The following TBC1D14 variants were observed in gnomAD, a reference collection of about 807,000 sequenced individuals.
The protein encoded by TBC1D14 is TBC1 domain family, member 14.
TBC1D14 carries 26 observed loss-of-function variants against 79.0 expected under a neutral mutation model. That is an observed-to-expected ratio of 0.33 (90% CI 0.24 to 0.46). The LOEUF is 0.46. Among genes scored for constraint, TBC1D14 ranks in the 20% least tolerant of loss-of-function variants. TBC1D14 has a pLI of 1.00. For missense variants in TBC1D14, 769 were observed against 887.6 expected, an observed-to-expected ratio of 0.87 and a Z score of 1.70; for synonymous variants, 394 against 349.9, an observed-to-expected ratio of 1.13 and a Z score of -1.40.
intron 13 of TBC1D14, among the ~76,000 whole-genome samples, chr4:7,027,104 G>A (rs1476877299): frequency 1.3e-5 from 2 of 151,918 alleles, no homozygotes. Flanking sequence ...CCAGCTACTC[G>A]GGAGGCTGAG....
At chr4:6,925,474 G>A (rs140025583) in intron 2 of TBC1D14, among the ~76,000 whole-genome samples, 1,567 of 152,190 alleles carry the variant, frequency 0.01, 38 homozygotes, top group African/African-American at 0.036. Flanking sequence ...GTCAGCTGGC[G>A]ACTCTGACTG....
chr4:7,007,630 G>A (rs980842059), intron 9 of TBC1D14: 36 of 1,286,344 alleles, frequency 2.8e-5, no homozygotes, highest in African/African-American at 6.1e-5. Context: ...TGTCTGGTGC[G>A]TGAGCCCAGC....
intron 2 of TBC1D14, among the ~76,000 whole-genome samples, chr4:6,953,257 T>C (rs1714238704): frequency 6.9e-6 from 1 of 145,690 alleles, no homozygotes; most frequent in Non-Finnish European, 1.5e-5. Flanking sequence ...ACTCCTGACC[T>C]CGTGTTCCAC....
intron 2 of TBC1D14, among the ~76,000 whole-genome samples, chr4:6,951,978 G>A (rs973765034): frequency 2.6e-5 from 4 of 152,140 alleles, no homozygotes; most frequent in African/African-American, 9.7e-5. Context: ...GCGATGAGGC[G>A]GCAGGGCTGG....
At chr4:6,934,008 T>C (rs1368019453) in intron 2 of TBC1D14, among the ~76,000 whole-genome samples, 1 of 151,812 alleles carries the variant, frequency 6.6e-6, no homozygotes, top group African/African-American at 2.4e-5. Flanking sequence ...GAAAATAGAG[T>C]TGCCAAGTTG....
intron 3 of TBC1D14, among the ~76,000 whole-genome samples, chr4:6,975,912 G>T (rs900350899): frequency 1.1e-4 from 16 of 152,100 alleles, no homozygotes; most frequent in African/African-American, 3.9e-4. Flanking sequence ...GGCCAATGTG[G>T]CGAAACCCCA....
Position 6,994,285 on chromosome 4 carries a change from C to A in TBC1D14, c.945C>A (p.Ile315=). ...DFEPLSTTAL[I]LEDRPANLPA... ...AACCACTTTCCACCACCGCACTCATCCTCGAGGACAGACCAGCGTGAGTTT... is the reference window on the plus strand; with the variant it reads ...AACCACTTTCCACCACCGCACTCATACTCGAGGACAGACCAGCGTGAGTTT... The change falls in exon 4 of 14, where the codon ATC becomes ATA. Residue 315 remains isoleucine, a synonymous_variant. Transcript: ENST00000409757. The A allele has an allele frequency of 6.2e-7, 1 of 1,614,120 alleles. No homozygotes were observed. Among genetic ancestry groups the A allele is most frequent in the South Asian group, 1.1e-5 (1 of 91,082 alleles).
chr4:6,943,710 A>G (rs1461136125), intron 2 of TBC1D14, among the ~76,000 whole-genome samples: 4 of 152,204 alleles, frequency 2.6e-5, no homozygotes, highest in Non-Finnish European at 4.4e-5. Context: ...AGACCACACT[A>G]GCCCACTCCC....
At chr4:7,020,481 A>AT (rs1721718220) in intron 12 of TBC1D14, among the ~76,000 whole-genome samples, 1 of 152,174 alleles carries the variant, frequency 6.6e-6, no homozygotes, top group East Asian at 1.9e-4. Flanking sequence ...GCGGAGTGCC[A>AT]TTCATGAGCC....
chr4:7,020,696 G>A (rs1261395956), intron 12 of TBC1D14, among the ~76,000 whole-genome samples: 1 of 152,094 alleles, frequency 6.6e-6, no homozygotes, highest in Non-Finnish European at 1.5e-5. Context: ...GTTTTTTCTT[G>A]TTTTGTTTTG....
chr4:6,992,225 G>T (rs905680439), intron 3 of TBC1D14, among the ~76,000 whole-genome samples: 4 of 152,250 alleles, frequency 2.6e-5, no homozygotes, highest in African/African-American at 9.6e-5. Context: ...CACAGCTGGT[G>T]GTTGGTGGAT....
chr4:6,924,658 G>A (rs1196241972), intron 2 of TBC1D14, among the ~76,000 whole-genome samples: 1 of 152,162 alleles, frequency 6.6e-6, no homozygotes, highest in African/African-American at 2.4e-5. Flanking sequence ...CATTCCCAAC[G>A]TGCTGGGCCT....
Position 7,014,440 on chromosome 4 carries a change from C to G in TBC1D14, c.1648-8C>G, listed in dbSNP as rs751294368. 1.3e-6 allele frequency: 2 copies of G among 1,585,048 alleles called. No individual in the cohort carries two copies. Among genetic ancestry groups the G allele is most frequent in the East Asian group, 4.5e-5 (2 of 44,724 alleles). On this transcript the variant is annotated splice_polypyrimidine_tract_variant and splice_region_variant and intron_variant, in intron 11 of 13. Coordinates refer to ENST00000409757, the MANE Select transcript of TBC1D14 (RefSeq NM_020773.3). ...AGTTTCTGAGTAAATTTCATATTATCTCCCTAGATGTTGACTTATTTTGCT... is the reference window on the plus strand; with the variant it reads ...AGTTTCTGAGTAAATTTCATATTATGTCCCTAGATGTTGACTTATTTTGCT...
Position 7,004,809 on chromosome 4 carries a change from T to G in TBC1D14, c.1271-35T>G, listed in dbSNP as rs1436044924. 1.9e-6 allele frequency: 3 copies of G among 1,606,312 alleles called. No individual in the cohort carries two copies. The African/African-American group carries it at 4.0e-5, about 21-fold the overall frequency. On this transcript the variant is annotated intron_variant, in intron 7 of 13. Coordinates refer to ENST00000409757, the MANE Select transcript of TBC1D14 (RefSeq NM_020773.3). ...TGGTGGTTTTGACGAAAAATACATG[T>G]GCACGTAATACTTACCCAGAGGCTT...
intron 2 of TBC1D14, among the ~76,000 whole-genome samples, chr4:6,960,901 G>C (rs913359359): frequency 5.3e-5 from 8 of 152,202 alleles, no homozygotes; most frequent in Non-Finnish European, 1.0e-4. Context: ...GCCAGAATCG[G>C]TGTCCAACGC....
At chr4:6,967,720 T>A (rs1351738894) in intron 3 of TBC1D14, among the ~76,000 whole-genome samples, 1 of 152,200 alleles carries the variant, frequency 6.6e-6, no homozygotes. Flanking sequence ...TTAATCAGTT[T>A]TAGTAATAGT....
At chr4:6,954,437 G>A (rs560069328) in intron 2 of TBC1D14, 64 of 714,414 alleles carry the variant, frequency 9.0e-5, no homozygotes, top group Middle Eastern at 6.9e-4. Context: ...TGTGACCGTC[G>A]GCCTTGGTTG....
At chr4:6,976,581 G>A (rs749984451) in intron 3 of TBC1D14, among the ~76,000 whole-genome samples, 2 of 152,150 alleles carry the variant, frequency 1.3e-5, no homozygotes, top group Admixed American at 1.3e-4. Context: ...TGCCCTTCAG[G>A]AATGAAAGTG....
rs1718787759 is a variant in TBC1D14 at position 6,994,240 on chromosome 4, G to A, written c.900G>A (p.Val300=). The A allele has an allele frequency of 2.5e-6, 4 of 1,614,230 alleles. No individual in the cohort carries two copies. In the East Asian group the frequency reaches 8.9e-5, roughly 36 times the overall value. ...AGCCACCCTCTCCAAAGCAGAATGT[G>A]AGGAAGAATCTTGACTTTGAACCAC... ...PSKPPSPKQN[V]RKNLDFEPLS... Residue 300 remains valine (V), a synonymous_variant, in exon 4 of 14, where the codon GTG becomes GTA. Coordinates refer to ENST00000409757, the MANE Select transcript of TBC1D14 (RefSeq NM_020773.3).
Sources: allele counts gnomAD v4.1 joint callset (sites outside exome capture counted in the v4.1 genomes callset), GRCh38; gene constraint gnomAD v4.1.1; transcripts MANE v1.5; gene names NCBI Gene and HGNC (gene_info 2026-07-23, HGNC 2026-07-21).